The following CFAP299 variants were observed in gnomAD, a reference collection of about 807,000 sequenced individuals.
The protein encoded by CFAP299 is cilia and flagella associated protein 299.
CFAP299 carries 21 observed loss-of-function variants against 27.0 expected under a neutral mutation model. The ratio of observed to expected loss-of-function variants is 0.78; its 90% CI spans 0.55 to 1.12. The LOEUF is 1.12. Among genes scored for constraint, CFAP299 ranks in the 50% most tolerant of loss-of-function variants. The pLI is 0.00. For missense variants in CFAP299, 310 were observed against 276.6 expected, an observed-to-expected ratio of 1.12 and a Z score of -0.86; for synonymous variants, 104 against 98.1, an observed-to-expected ratio of 1.06 and a Z score of -0.36.
chr4:80,400,768 G>A (rs933350375), intron 2 of CFAP299, among the ~76,000 whole-genome samples: 1 of 152,198 alleles, frequency 6.6e-6, no homozygotes, highest in Non-Finnish European at 1.5e-5. Context: ...CTTTTGAACT[G>A]GGTAACAGGC....
intron 2 of CFAP299, among the ~76,000 whole-genome samples, chr4:80,429,926 G>A (rs1396776409): frequency 6.6e-6 from 1 of 152,018 alleles, no homozygotes; most frequent in Non-Finnish European, 1.5e-5. Flanking sequence ...GGCATTAGGA[G>A]TAAACAATTT....
intron 3 of CFAP299, among the ~76,000 whole-genome samples, chr4:80,618,299 AGTT>A (rs895618893): frequency 3.3e-4 from 51 of 152,256 alleles, no homozygotes; most frequent in Middle Eastern, 3.4e-3. Context: ...ATAGAAAAAA[AGTT>A]GTTATCTACA....
At chr4:80,695,102 A>T (rs562053478) in intron 3 of CFAP299, among the ~76,000 whole-genome samples, 54 of 152,304 alleles carry the variant, frequency 3.5e-4, no homozygotes, top group African/African-American at 1.3e-3. Context: ...TAATACAAAT[A>T]TATGGATGGT....
At chr4:80,766,824 G>A (rs1725890961) in intron 3 of CFAP299, among the ~76,000 whole-genome samples, 1 of 152,180 alleles carries the variant, frequency 6.6e-6, no homozygotes, top group South Asian at 2.1e-4. Context: ...TTGCTATGAA[G>A]CCATTGTCTC....
At chr4:80,334,944 A>T (rs1316681039), upstream of CFAP299, among the ~76,000 whole-genome samples, 8 of 152,246 alleles carry the variant, frequency 5.3e-5, no homozygotes, top group Admixed American at 5.2e-4. Context: ...GCTAATTCCC[A>T]AGGATGGTTT....
chr4:80,910,456 T>C (rs1199296454), intron 4 of CFAP299, among the ~76,000 whole-genome samples: 1 of 152,036 alleles, frequency 6.6e-6, no homozygotes, highest in Non-Finnish European at 1.5e-5. Context: ...AATAAAGAAA[T>C]TGTGGTACAT....
At chr4:80,836,193 G>T (rs1367263148) in intron 3 of CFAP299, among the ~76,000 whole-genome samples, 1 of 152,076 alleles carries the variant, frequency 6.6e-6, no homozygotes, top group African/African-American at 2.4e-5. Context: ...ATAATTCCTG[G>T]CTGTAACTAA....
chr4:80,597,929 T>G (rs1737141752), intron 3 of CFAP299, among the ~76,000 whole-genome samples: 1 of 152,182 alleles, frequency 6.6e-6, no homozygotes, highest in Non-Finnish European at 1.5e-5. Context: ...TCAAGTGACC[T>G]GCCTGCCTCG....
Position 80,380,872 on chromosome 4 carries a change from T to A in CFAP299, c.242+17988T>A, listed in dbSNP as rs74954448. ...TCTGCTACTGCTTTTAATGAGAGTT[T>A]ATGCATTTCTTAAAATGTTCCCTTT... On this transcript the variant is annotated intron_variant, in intron 2 of 5. Coordinates refer to ENST00000358105, the MANE Select transcript of CFAP299 (RefSeq NM_152770.3). 1.1e-3 allele frequency among the ~76,000 whole-genome samples: 163 copies of A among 152,368 alleles called. 2 individuals are homozygous for A. The highest frequency in any genetic ancestry group is 3.7e-3 in the African/African-American group (153 of 41,588).
At chr4:80,409,208 ATAT>A in intron 2 of CFAP299, among the ~76,000 whole-genome samples, 1 of 152,212 alleles carries the variant, frequency 6.6e-6, no homozygotes, top group East Asian at 1.9e-4. Flanking sequence ...CTGGTTCCAA[ATAT>A]TATTATTTAT....
chr4:80,402,954 C>T (rs1352491701), intron 2 of CFAP299, among the ~76,000 whole-genome samples: 3 of 152,100 alleles, frequency 2.0e-5, no homozygotes, highest in Non-Finnish European at 2.9e-5. Flanking sequence ...GTCTAAGTAG[C>T]CTGTTTAATT....
chr4:80,583,065 A>ATTAGATAACAAATATG, intron 2 of CFAP299, 28 bp from the exon 3 acceptor site: 1 of 1,455,466 alleles, frequency 6.9e-7, no homozygotes, highest in Non-Finnish European at 9.5e-7. Context: ...TATCTAATAT[A>ATTAGATAACAAATATG]TTATAACTGA....
intron 2 of CFAP299, among the ~76,000 whole-genome samples, chr4:80,581,465 T>G (rs1259134624): frequency 9.7e-5 from 13 of 133,738 alleles, no homozygotes; most frequent in Non-Finnish European, 1.4e-4. Context: ...TATATATATA[T>G]ATATATATAT....
chr4:80,851,420 A>G (rs1731516637), intron 3 of CFAP299, among the ~76,000 whole-genome samples: 1 of 152,174 alleles, frequency 6.6e-6, no homozygotes, highest in Non-Finnish European at 1.5e-5. Flanking sequence ...AAATAGATGA[A>G]AATAAGAAAG....
chr4:80,573,089 C>G (rs1239861602), intron 2 of CFAP299, among the ~76,000 whole-genome samples: 2 of 152,072 alleles, frequency 1.3e-5, no homozygotes, highest in African/African-American at 2.4e-5. Flanking sequence ...GTGCTATCAA[C>G]AGTGTATCAG....
intron 3 of CFAP299, among the ~76,000 whole-genome samples, chr4:80,733,438 A>G (rs914932033): frequency 6.6e-6 from 1 of 152,136 alleles, no homozygotes; most frequent in Non-Finnish European, 1.5e-5. Context: ...CATCCCCTCA[A>G]GCATTTATCC....
the CFAP299 span, among the ~76,000 whole-genome samples, chr4:80,324,992 A>T: frequency 6.6e-6 from 1 of 152,200 alleles, no homozygotes. Flanking sequence ...GCATGGTGGC[A>T]CGTGCCTGTA....
chr4:80,956,552 C>A (rs72866916), intron 5 of CFAP299, among the ~76,000 whole-genome samples: 18 of 152,076 alleles, frequency 1.2e-4, no homozygotes, highest in African/African-American at 4.3e-4. Flanking sequence ...ACTTCCACCC[C>A]GGCACATTTC....
intron 2 of CFAP299, among the ~76,000 whole-genome samples, chr4:80,371,983 A>G (rs572865773): frequency 2.6e-5 from 4 of 152,306 alleles, no homozygotes; most frequent in African/African-American, 9.6e-5. Flanking sequence ...CATTTTCTGT[A>G]TCAGTCCATT....
Sources: gnomAD v4.1 joint callset for allele counts (sites outside exome capture counted in the v4.1 genomes callset) on GRCh38, gnomAD v4.1.1 for gene constraint, MANE v1.5 for transcripts, NCBI Gene and HGNC (gene_info 2026-07-23, HGNC 2026-07-21) for gene names.